SYT12: variants seen among roughly 807,000 people sequenced by gnomAD.
SYT12 encodes the protein synaptotagmin 12.
SYT12 carries 27 observed loss-of-function variants against 39.5 expected under a neutral mutation model. The ratio of observed to expected loss-of-function variants is 0.68; its 90% CI spans 0.50 to 0.94. SYT12 has a LOEUF of 0.94. SYT12 is among the 40% of genes least tolerant of loss of function. The pLI is 0.00. For missense variants in SYT12, 536 were observed against 572.6 expected (o/e 0.94, Z 0.65); for synonymous variants, 233 against 239.7 (o/e 0.97, Z 0.26).
chr11:67,040,868 G>T (rs1950500854), intron 4 of SYT12, among the ~76,000 whole-genome samples: 1 of 149,030 alleles, frequency 6.7e-6, no homozygotes, highest in African/African-American at 2.5e-5. Context: ...AATAAAACAG[G>T]ACTGTCCAGG....
At chr11:67,031,209 G>T in intron 2 of SYT12, 1 of 152,312 alleles carries the variant, frequency 6.6e-6, no homozygotes. Context: ...GATGAGGCTT[G>T]CCTCAGGGCT....
intron 1 of SYT12, among the ~76,000 whole-genome samples, chr11:67,024,262 G>A (rs1029332461): frequency 1.3e-5 from 2 of 152,252 alleles, no homozygotes; most frequent in Non-Finnish European, 2.9e-5. Context: ...GGGGATGACA[G>A]TTTTAGAGAG....
At position 67,040,054 on chromosome 11, in the gene SYT12, G is replaced by A. The variant is rs751739984; in HGVS notation, c.472G>A (p.Val158Met). 1.2e-6 allele frequency: 2 copies of A among 1,614,006 alleles called. No individual in the cohort carries two copies. The highest frequency in any genetic ancestry group is 1.7e-6 in the Non-Finnish European group (2 of 1,180,038). ...GGACTTCACACTGGGCCAGGTGGAG[G>A]TGAGCATGGAGTACGACACTGCCTC... ...GQDFTLGQVEVSMEYDTASHT... is the reference protein window; with the variant it reads ...GQDFTLGQVEMSMEYDTASHT... The change falls in exon 4 of 8, where the codon GTG becomes ATG. Residue 158 changes from valine to methionine, a missense_variant. Physicochemically the swap from Val to Met is conservative, Grantham distance 21. Transcript: ENST00000527043.
At chr11:67,033,186 T>C (rs573213484) in intron 2 of SYT12, among the ~76,000 whole-genome samples, 1 of 151,944 alleles carries the variant, frequency 6.6e-6, no homozygotes, top group East Asian at 1.9e-4. Flanking sequence ...GGGCTTTTTA[T>C]ACCCCTCTAT....
upstream of SYT12, among the ~76,000 whole-genome samples, chr11:67,018,799 G>A (rs1950079684): frequency 6.6e-6 from 1 of 152,072 alleles, no homozygotes; most frequent in Non-Finnish European, 1.5e-5. Context: ...CTCCAGCCTG[G>A]GCGACAGAGC....
chr11:67,034,953 C>G, intron 3 of SYT12, 115 bp downstream of exon 3: 1 of 757,440 alleles, frequency 1.3e-6, no homozygotes, highest in Admixed American at 3.7e-5. Flanking sequence ...GGTTAATGTC[C>G]TCCTTTGAAA....
At chr11:67,031,680 C>T (rs541711700) in intron 2 of SYT12, 1 of 152,334 alleles carries the variant, frequency 6.6e-6, no homozygotes, top group African/African-American at 2.4e-5. Context: ...TGCGAATTGT[C>T]ATTTCATGTC....
chr11:67,028,936 G>C (rs565419234), intron 1 of SYT12: 1 of 152,318 alleles, frequency 6.6e-6, no homozygotes, highest in Non-Finnish European at 1.5e-5. Context: ...CCCTGCACCA[G>C]GCCTGCAGGC....
rs1491375358 is a variant in SYT12, at chr11:67,035,790, T to TTTTC, written c.228+954_228+955insTCTT. Among the ~76,000 whole-genome samples the TTTTC allele has an allele frequency of 6.0e-4, 44 of 73,212 alleles. 2 individuals are homozygous for TTTTC. Among genetic ancestry groups the TTTTC allele is most frequent in the African/African-American group, 2.6e-3 (43 of 16,764 alleles). 48.0% of individuals were successfully genotyped at this position (73,212 alleles called of 152,430 possible). A position where few individuals can be genotyped will look rare whatever the true frequency, so the allele number is the denominator to read the frequency against. On this transcript the variant is annotated intron_variant, in intron 3 of 7. Transcript: ENST00000527043. ...CTTTCTTTTCTTTTCTTTTCTTTTC[T>TTTTC]TTCCTTCCTTCCTTCCTTCCTTCCT... is the stretch of plus-strand genomic sequence containing the variant.
upstream of SYT12, among the ~76,000 whole-genome samples, chr11:67,018,207 G>A (rs1269565829): frequency 6.7e-6 from 1 of 149,244 alleles, no homozygotes; most frequent in African/African-American, 2.5e-5. Flanking sequence ...AGGTTGCAGT[G>A]AGCTGAGATC....
intron 4 of SYT12, among the ~76,000 whole-genome samples, chr11:67,043,023 G>A (rs542693833): frequency 1.8e-4 from 27 of 152,294 alleles, no homozygotes; most frequent in African/African-American, 6.3e-4. Context: ...AATATCACCA[G>A]GCAGTGACTA....
rs187083624 is a variant in SYT12 at position 67,045,553 on chromosome 11, G to T, written c.959-191G>T. On this transcript the variant is annotated intron_variant, in intron 6 of 7. Transcript: ENST00000527043. ...TGAGCACAAAGCCCAGCCCTCACCT[G>T]ACGTGCTGTGTGAGCCTCAGTTTTC... 1.1e-3 allele frequency: 900 copies of T among 786,774 alleles called. 2 individuals are homozygous for T. The highest frequency in any genetic ancestry group is 1.4e-3 in the Non-Finnish European group (694 of 507,984). 48.7% of individuals were successfully genotyped at this position (786,774 alleles called of 1,614,324 possible). A position where few individuals can be genotyped will look rare whatever the true frequency, so the allele number is the denominator to read the frequency against.
At chr11:67,044,489 C>A in intron 5 of SYT12, 104 bp from the exon 6 acceptor site, 1 of 1,498,544 alleles carries the variant, frequency 6.7e-7, no homozygotes, top group South Asian at 1.4e-5. Flanking sequence ...AGCCACTTCT[C>A]TATGGAGAAG....
chr11:67,043,196 C>T (rs1212098488), intron 4 of SYT12, among the ~76,000 whole-genome samples: 4 of 152,218 alleles, frequency 2.6e-5, no homozygotes, highest in Non-Finnish European at 5.9e-5. Context: ...TCCACCCATC[C>T]AGCCTACGGT....
In SYT12 at chr11:67,049,974, G is replaced by A. The variant is rs1854700364; in HGVS notation, c.*1217G>A. 1.3e-5 allele frequency: 2 copies of A among 152,200 alleles called. No individual in the cohort carries two copies. 9.4% of individuals were successfully genotyped at this position (152,200 alleles called of 1,614,324 possible). Reference sequence around the variant, plus strand: ...GGGATTCTGGGGCAAGTAGTTTCTTGCGGGTGAGTGTTCTCAGAGAAACTT... The same window carrying A: ...GGGATTCTGGGGCAAGTAGTTTCTTACGGGTGAGTGTTCTCAGAGAAACTT... On this transcript the variant is annotated 3_prime_UTR_variant, in exon 8 of 8. Transcript: ENST00000527043.
rs757773864 is a variant in SYT12 at position 67,034,825 on chromosome 11, A to G, written c.215A>G (p.Glu72Gly). The G allele has an allele frequency of 1.3e-6, 2 of 1,552,760 alleles. No individual in the cohort carries two copies. Among genetic ancestry groups the G allele is most frequent in the Admixed American group, 4.4e-5 (2 of 45,874 alleles). Residue 72 changes from glutamate to glycine, a missense_variant, in exon 3 of 8, where the codon GAG becomes GGG. By Grantham distance (98) the Glu-to-Gly change is moderately conservative. Coordinates refer to ENST00000527043, the MANE Select transcript of SYT12 (RefSeq NM_177963.4). ...LQQKYGESCA[E>G]AREKRVPAWN... ...CAGAAGTACGGCGAGAGCTGCGCAG[A>G]GGCCAGGGAGAAGGTGAGGCTTCTG... is the stretch of plus-strand genomic sequence containing the variant.
In SYT12 at chr11:67,024,827, G is replaced by A. The variant is rs533124560; in HGVS notation, c.-24+1367G>A. ...TGAGGCTCTCCTGGGCCCAACTCCC[G>A]ACCCTTCCCATTGCCTTGCTAGCCA... On this transcript the variant is annotated intron_variant, in intron 1 of 7. Transcript: ENST00000527043. 4.6e-5 allele frequency among the ~76,000 whole-genome samples: 7 copies of A among 152,306 alleles called. 1 individual carries two copies. The South Asian group carries it at 1.0e-3, about 23-fold the overall frequency.
chr11:67,034,690 G>C lies in SYT12; in HGVS notation c.80G>C (p.Gly27Ala). 6.2e-7 allele frequency: 1 copy of C among 1,602,414 alleles called. No individual in the cohort carries two copies. The highest frequency in any genetic ancestry group is 1.1e-5 in the South Asian group (1 of 89,022). Reference sequence around the variant, plus strand: ...TGGGAGGTGGGTGTCTATGCTGCAGGGGCCCTGGCCCTGCTGGGAATCGCA... The same window carrying C: ...TGGGAGGTGGGTGTCTATGCTGCAGCGGCCCTGGCCCTGCTGGGAATCGCA... ...PGWEVGVYAA[G>A]ALALLGIAAV... Residue 27 changes from glycine to alanine, a missense_variant, in exon 3 of 8, where the codon GGG (glycine) becomes GCG (alanine). Transcript: ENST00000527043.
intron 1 of SYT12, chr11:67,029,902 A>T (rs1356473816): frequency 6.0e-6 from 3 of 500,612 alleles, no homozygotes; most frequent in Admixed American, 7.6e-5. Flanking sequence ...GCCACTGGGC[A>T]TCCTGTGTTT....
Sources: gnomAD v4.1 joint callset for allele counts (sites outside exome capture counted in the v4.1 genomes callset) on GRCh38, gnomAD v4.1.1 for gene constraint, MANE v1.5 for transcripts, NCBI Gene and HGNC (gene_info 2026-07-23, HGNC 2026-07-21) for gene names.